Variants in SULF1 observed in about 807,000 individuals in gnomAD.
SULF1 encodes sulfatase 1, also known as extracellular sulfatase Sulf-1.
In SULF1, 46 loss-of-function variants were observed where a neutral mutation model predicts 110.5. The ratio of observed to expected loss-of-function variants is 0.42; its 90% CI spans 0.33 to 0.53. The LOEUF (loss-of-function observed/expected upper bound fraction) is 0.53. Among genes scored for constraint, SULF1 ranks in the 20% least tolerant of loss-of-function variants. The pLI, the probability that SULF1 is intolerant of heterozygous loss-of-function variation, is 0.12. For synonymous variants in SULF1, 371 were observed against 387.1 expected (o/e 0.96, Z 0.49); for missense variants, 941 against 1,094.2 (o/e 0.86, Z 1.98).
chr8:69,626,602 C>T (rs1301960188), intron 15 of SULF1, among the ~76,000 whole-genome samples: 5 of 152,232 alleles, frequency 3.3e-5, no homozygotes, highest in African/African-American at 1.2e-4. Context: ...TCAGGCATGG[C>T]GGGCTGCAGT....
At chr8:69,517,548 G>GT (rs1473284179) in intron 3 of SULF1, among the ~76,000 whole-genome samples, 1 of 152,094 alleles carries the variant, frequency 6.6e-6, no homozygotes, top group African/African-American at 2.4e-5. Flanking sequence ...ACGATATAAG[G>GT]TTTTATCATT....
In SULF1 at chr8:69,589,092, G is replaced by C; in HGVS notation, c.685G>C (p.Asp229His). 1 of 1,614,090 alleles carries C rather than the reference G, an allele frequency of 6.2e-7. No individual in the cohort carries two copies. The highest frequency in any genetic ancestry group is 8.5e-7 in the Non-Finnish European group (1 of 1,179,998). Residue 229 changes from aspartate to histidine, a missense_variant, in exon 8 of 23, where the codon GAC becomes CAC. Transcript: ENST00000402687. ...CCACGCTGCGCCCCACGGCCCCGAG[G>C]ACTCAGCCCCACAGTTTTCTAAACT... Reference protein sequence around the residue: ...ISHAAPHGPEDSAPQFSKLYP... With the variant: ...ISHAAPHGPEHSAPQFSKLYP...
Position 69,623,944 on chromosome 8 carries a change from T to A in SULF1, c.1597T>A (p.Tyr533Asn). 1 of 1,612,448 alleles carries A rather than the reference T, an allele frequency of 6.2e-7. No individual in the cohort carries two copies. Among genetic ancestry groups the A allele is most frequent in the Non-Finnish European group, 8.5e-7 (1 of 1,179,150 alleles). Residue 533 changes from tyrosine to asparagine, a missense_variant and splice_region_variant, in exon 15 of 23, where the codon TAC becomes AAC. Tyr to Asn is a moderately radical substitution (Grantham distance 143, BLOSUM62 -2). Transcript: ENST00000402687. Reference sequence around the variant, plus strand: ...AATGTATCTTCCCTTACTTCTAGAGTACAAGCCCAGATTTGTCCATACTCG... The same window carrying A: ...AATGTATCTTCCCTTACTTCTAGAGAACAAGCCCAGATTTGTCCATACTCG... Reference protein sequence around the residue: ...QFLRNQGTPKYKPRFVHTRQT... With the variant: ...QFLRNQGTPKNKPRFVHTRQT...
chr8:69,603,084 G>A lies in SULF1; in HGVS notation c.1062-108G>A. ...CCCATGCCTAGGAGACCAGATGAGA[G>A]GGTGAGAAGAGTTGAAGGCCAATGA... On this transcript the variant is annotated intron_variant, in intron 10 of 22. Transcript: ENST00000402687. The A allele has an allele frequency of 2.0e-6, 3 of 1,475,968 alleles. No individual in the cohort carries two copies. In the South Asian group the frequency reaches 3.7e-5, roughly 18 times the overall value. The allele number at this position is 1,475,968 out of a possible 1,614,324, so 91.4% of individuals were successfully genotyped here. A position where few individuals can be genotyped will look rare whatever the true frequency, so the allele number is the denominator to read the frequency against.
intron 1 of SULF1, among the ~76,000 whole-genome samples, chr8:69,487,468 G>T (rs1052114768): frequency 6.6e-6 from 1 of 152,178 alleles, no homozygotes; most frequent in African/African-American, 2.4e-5. Flanking sequence ...CTATAATCAC[G>T]TAACAGCGAG....
At chr8:69,544,215 T>C (rs1444491428) in intron 3 of SULF1, among the ~76,000 whole-genome samples, 1 of 152,198 alleles carries the variant, frequency 6.6e-6, no homozygotes, top group Non-Finnish European at 1.5e-5. Context: ...GGAATCCTAA[T>C]TTGAGGTATA....
At chr8:69,630,962 T>TC (rs571232167) in intron 19 of SULF1, among the ~76,000 whole-genome samples, 1,842 of 151,060 alleles carry the variant, frequency 0.012, 16 homozygotes, top group South Asian at 0.03. Flanking sequence ...ATGCTATCCC[T>TC]CCCCCCTGCC....
intron 22 of SULF1, among the ~76,000 whole-genome samples, chr8:69,655,259 G>C (rs1181319432): frequency 1.3e-5 from 2 of 152,174 alleles, no homozygotes; most frequent in Non-Finnish European, 2.9e-5. Context: ...GTCTGACAGT[G>C]CAAGAGGAAT....
At chr8:69,523,224 C>G (rs547253162) in intron 3 of SULF1, among the ~76,000 whole-genome samples, 1 of 152,136 alleles carries the variant, frequency 6.6e-6, no homozygotes, top group South Asian at 2.1e-4. Flanking sequence ...GATAGAAGAA[C>G]ATACGTGTAG....
chr8:69,580,066 C>T (rs1805956043), intron 6 of SULF1, among the ~76,000 whole-genome samples: 2 of 152,018 alleles, frequency 1.3e-5, no homozygotes, highest in African/African-American at 4.8e-5. Flanking sequence ...TGAATTAATC[C>T]AATATTATAT....
intron 3 of SULF1, among the ~76,000 whole-genome samples, chr8:69,552,521 G>A (rs949768841): frequency 1.3e-5 from 2 of 152,194 alleles, no homozygotes; most frequent in Non-Finnish European, 2.9e-5. Context: ...TGAAAGTAGT[G>A]GTACATAAGG....
At chr8:69,548,425 G>C (rs950791176) in intron 3 of SULF1, among the ~76,000 whole-genome samples, 1 of 151,220 alleles carries the variant, frequency 6.6e-6, no homozygotes, top group Admixed American at 6.6e-5. Context: ...CAAAATCATA[G>C]CCTAGAGCAC....
intron 3 of SULF1, among the ~76,000 whole-genome samples, chr8:69,508,565 C>T (rs1811351479): frequency 6.6e-6 from 1 of 152,138 alleles, no homozygotes; most frequent in African/African-American, 2.4e-5. Flanking sequence ...AGTCAGTTGA[C>T]ACTAGCACTG....
At chr8:69,558,666 G>C (rs554079607) in intron 3 of SULF1, among the ~76,000 whole-genome samples, 141 of 152,172 alleles carry the variant, frequency 9.3e-4, no homozygotes, top group Non-Finnish European at 1.3e-3. Context: ...CTTGTGACTA[G>C]GGCCAGACCT....
chr8:69,479,981 A>C (rs1176573995), intron 1 of SULF1, among the ~76,000 whole-genome samples: 2 of 151,990 alleles, frequency 1.3e-5, no homozygotes, highest in African/African-American at 4.8e-5. Context: ...GTAAATGATG[A>C]TTGGGACTGG....
intron 14 of SULF1, among the ~76,000 whole-genome samples, chr8:69,623,673 C>T (rs545411967): frequency 1.3e-5 from 2 of 152,216 alleles, no homozygotes; most frequent in Middle Eastern, 3.4e-3. Context: ...CTAACCCCCT[C>T]ACTTGACGGA....
At chr8:69,619,099 T>C (rs897103478) in intron 13 of SULF1, among the ~76,000 whole-genome samples, 1 of 152,160 alleles carries the variant, frequency 6.6e-6, no homozygotes, top group East Asian at 1.9e-4. Context: ...TTTGAAAATA[T>C]ACGTGGCACA....
chr8:69,617,435 GTT>G (rs56346127), intron 13 of SULF1, among the ~76,000 whole-genome samples: 4 of 57,298 alleles, frequency 7.0e-5, no homozygotes, highest in Admixed American at 2.0e-4. Flanking sequence ...ATATATATAT[GTT>G]TTTTTTTTTT....
intron 8 of SULF1, among the ~76,000 whole-genome samples, chr8:69,597,821 C>A (rs562046539): frequency 2.6e-5 from 4 of 152,024 alleles, no homozygotes; most frequent in Non-Finnish European, 5.9e-5. Context: ...ATAAAGAAAC[C>A]CTGTGTAATC....
Sources: gnomAD v4.1 joint callset for allele counts (sites outside exome capture counted in the v4.1 genomes callset) on GRCh38, gnomAD v4.1.1 for gene constraint, MANE v1.5 for transcripts, NCBI Gene and HGNC (gene_info 2026-07-23, HGNC 2026-07-21) for gene names.